The following RGS18 variants were observed in gnomAD, a reference collection of about 807,000 sequenced individuals.
The protein encoded by RGS18 is regulator of G-protein signaling 18.
A neutral mutation model predicts 27.6 loss-of-function variants in RGS18; 22 were observed. The observed-to-expected ratio is 0.80, with a 90% confidence interval of 0.57 to 1.14. The LOEUF is 1.14. Among genes scored for constraint, RGS18 ranks in the 50% most tolerant of loss-of-function variants. The pLI, the probability that RGS18 is intolerant of heterozygous loss-of-function variation, is 0.00. For synonymous variants in RGS18, 89 were observed against 84.6 expected (o/e 1.05, Z -0.29); for missense variants, 299 against 269.6 (o/e 1.11, Z -0.76).
At chr1:192,163,722 A>T (rs1656111747) in intron 3 of RGS18, 1 of 151,944 alleles carries the variant, frequency 6.6e-6, no homozygotes, top group African/African-American at 2.4e-5. Context: ...TAATCCAATT[A>T]TTTTTATTAC....
At position 192,164,078 on chromosome 1, in the gene RGS18, A is replaced by G. The variant is rs188149286; in HGVS notation, c.283+3639A>G. ...GAAATTAAGTGATAAATCAAACCAG[A>G]TACAATGGAAATTTGGGTATTCAAT... On this transcript the variant is annotated intron_variant, in intron 3 of 4. Coordinates refer to ENST00000367460, the MANE Select transcript of RGS18 (RefSeq NM_130782.3). 2.6e-5 allele frequency among the ~76,000 whole-genome samples: 4 copies of G among 152,196 alleles called. No individual in the cohort carries two copies. The East Asian group carries it at 7.7e-4, about 29-fold the overall frequency.
Position 192,160,394 on chromosome 1 carries a change from G to T in RGS18, c.238G>T (p.Ala80Ser), listed in dbSNP as rs756753817. The part of the protein sequence containing the change: ...AKETRVSPEE[A>S]VKWGESFDKL... ...CTTGTACAGAGTCTCCCCTGAAGAG[G>T]CAGTGAAATGGGGTGAATCATTTGA... Residue 80 changes from alanine to serine, a missense_variant, in exon 3 of 5, where the codon GCA (alanine) becomes TCA (serine). Transcript: ENST00000367460. The T allele has an allele frequency of 6.2e-7, 1 of 1,611,792 alleles. No homozygotes were observed. The highest frequency in any genetic ancestry group is 8.5e-7 in the Non-Finnish European group (1 of 1,178,120).
At chr1:192,160,973 C>T (rs1174528598) in intron 3 of RGS18, among the ~76,000 whole-genome samples, 1 of 152,160 alleles carries the variant, frequency 6.6e-6, no homozygotes, top group East Asian at 1.9e-4. Flanking sequence ...CCTCAGCCTC[C>T]CGAGTAGCTG....
At position 192,184,462 on chromosome 1, in the gene RGS18, C is replaced by A. The variant is rs757036248; in HGVS notation, c.616C>A (p.Pro206Thr). Residue 206 changes from proline (P) to threonine (T), a missense_variant, in exon 5 of 5, where the codon CCT (proline) becomes ACT (threonine). Coordinates refer to ENST00000367460, the MANE Select transcript of RGS18 (RefSeq NM_130782.3). Reference protein sequence around the residue: ...DIYLDLMEGRPQRPTNLRRRS... With the variant: ...DIYLDLMEGRTQRPTNLRRRS... Reference sequence around the variant, plus strand: ...CTATTTAGACTTGATGGAAGGAAGACCTCAGAGACCAACAAATCTTAGGAG... The same window carrying A: ...CTATTTAGACTTGATGGAAGGAAGAACTCAGAGACCAACAAATCTTAGGAG... The A allele has an allele frequency of 1.2e-6, 2 of 1,611,640 alleles. No individual in the cohort carries two copies. The highest frequency in any genetic ancestry group is 1.7e-6 in the Non-Finnish European group (2 of 1,178,430).
chr1:192,174,098 C>G (rs967236573), intron 3 of RGS18, among the ~76,000 whole-genome samples: 1 of 151,452 alleles, frequency 6.6e-6, no homozygotes, highest in Non-Finnish European at 1.5e-5. Context: ...AATTTTTGAT[C>G]TGCTGTACTT....
At chr1:192,184,254 T>G (rs757797424) in intron 4 of RGS18, 43 bp from the exon 5 acceptor site, 2 of 1,564,748 alleles carry the variant, frequency 1.3e-6, no homozygotes, top group African/African-American at 1.4e-5. Flanking sequence ...GTTGTTTATA[T>G]AAGCATATTA....
intron 3 of RGS18, among the ~76,000 whole-genome samples, chr1:192,178,006 A>G (rs1404771844): frequency 1.3e-5 from 2 of 151,736 alleles, no homozygotes; most frequent in Non-Finnish European, 2.9e-5. Context: ...GTCACCAGTT[A>G]GGAGGTTTTT....
In RGS18 at chr1:192,181,362, C is replaced by T. The variant is rs771127694; in HGVS notation, c.354C>T (p.Ala118=). ...FSEENIEFWI[A]CEDFKKSKGP... ...AAGAAAATATTGAATTTTGGATAGC[C>T]TGTGAAGATTTCAAGAAAAGCAAGG... is the stretch of plus-strand genomic sequence containing the variant. Residue 118 remains alanine (A), a synonymous_variant, in exon 4 of 5, where the codon GCC becomes GCT. Coordinates refer to ENST00000367460, the MANE Select transcript of RGS18 (RefSeq NM_130782.3). The T allele has an allele frequency of 2.5e-6, 4 of 1,589,764 alleles. No individual in the cohort carries two copies. The highest frequency in any genetic ancestry group is 2.3e-5 in the East Asian group (1 of 43,972).
At chr1:192,164,612 G>A (rs1351154034) in intron 3 of RGS18, among the ~76,000 whole-genome samples, 1 of 152,036 alleles carries the variant, frequency 6.6e-6, no homozygotes, top group African/African-American at 2.4e-5. Context: ...TTAATAACAG[G>A]GAAATTGAAT....
At chr1:192,174,569 C>T (rs577350972) in intron 3 of RGS18, among the ~76,000 whole-genome samples, 2 of 151,872 alleles carry the variant, frequency 1.3e-5, no homozygotes, top group South Asian at 2.1e-4. Flanking sequence ...TATGAGTTTG[C>T]TTCATGTATT....
intron 3 of RGS18, among the ~76,000 whole-genome samples, chr1:192,173,940 T>TATTTA (rs1047339319): frequency 6.6e-6 from 1 of 151,732 alleles, no homozygotes; most frequent in African/African-American, 2.4e-5. Context: ...ACTGACTATG[T>TATTTA]ATTTAATTTG....
intron 3 of RGS18, among the ~76,000 whole-genome samples, chr1:192,167,208 A>G (rs1333031540): frequency 2.0e-5 from 3 of 152,194 alleles, no homozygotes; most frequent in Admixed American, 6.5e-5. Context: ...TACTTTGGAA[A>G]ATACTTATTA....
Position 192,184,600 on chromosome 1 carries a change from T to C in RGS18, c.*46T>C. 1 of 1,535,984 alleles carries C rather than the reference T, an allele frequency of 6.5e-7. No individual in the cohort carries two copies. The highest frequency in any genetic ancestry group is 9.0e-7 in the Non-Finnish European group (1 of 1,115,900). ...TTTTATGACAAACTTATACATCTGC[T>C]TCTAACATATCGCATGTTTATGTTA... On this transcript the variant is annotated 3_prime_UTR_variant, in exon 5 of 5. Transcript: ENST00000367460.
intron 3 of RGS18, among the ~76,000 whole-genome samples, chr1:192,164,499 T>C (rs1557934670): frequency 6.6e-6 from 1 of 152,088 alleles, no homozygotes; most frequent in African/African-American, 2.4e-5. Flanking sequence ...GTTTAACTTT[T>C]TTAAAATTAA....
intron 3 of RGS18, among the ~76,000 whole-genome samples, chr1:192,162,290 T>C (rs1184733355): frequency 2.0e-5 from 3 of 152,074 alleles, no homozygotes; most frequent in Admixed American, 1.3e-4. Flanking sequence ...TTTTTTTGGT[T>C]TGTTTGTTGT....
intron 3 of RGS18, among the ~76,000 whole-genome samples, chr1:192,173,316 A>G (rs1656295940): frequency 1.3e-5 from 2 of 151,954 alleles, no homozygotes; most frequent in South Asian, 2.1e-4. Context: ...GGATTTTAAA[A>G]CATATACTTT....
chr1:192,182,617 C>T (rs1475359874), intron 4 of RGS18, among the ~76,000 whole-genome samples: 2 of 151,414 alleles, frequency 1.3e-5, no homozygotes, highest in Non-Finnish European at 3.0e-5. Context: ...TTTATCCATA[C>T]AAATGGAAGA....
At chr1:192,170,831 G>A (rs972326366) in intron 3 of RGS18, among the ~76,000 whole-genome samples, 2 of 152,114 alleles carry the variant, frequency 1.3e-5, no homozygotes, top group Non-Finnish European at 2.9e-5. Flanking sequence ...AGGTTTACTT[G>A]AAGTCTTGAG....
intron 3 of RGS18, among the ~76,000 whole-genome samples, chr1:192,162,503 G>C (rs565235206): frequency 6.6e-6 from 1 of 151,820 alleles, no homozygotes; most frequent in African/African-American, 2.4e-5. Context: ...TATTGGTCTC[G>C]AACACCTGAC....
Sources: gnomAD v4.1 joint callset for allele counts (sites outside exome capture counted in the v4.1 genomes callset) on GRCh38, gnomAD v4.1.1 for gene constraint, MANE v1.5 for transcripts, NCBI Gene and HGNC (gene_info 2026-07-23, HGNC 2026-07-21) for gene names.